Variants in KIF21B observed in about 807,000 individuals in gnomAD.
The protein encoded by KIF21B is kinesin-like protein KIF21B.
Under a neutral mutation model 192.9 loss-of-function variants are expected in KIF21B, and 85 were observed. The observed-to-expected ratio is 0.44, with a 90% CI of 0.37 to 0.53. The LOEUF (loss-of-function observed/expected upper bound fraction) is 0.53. KIF21B is among the 20% of genes least tolerant of loss of function. KIF21B has a pLI of 0.00. For synonymous variants in KIF21B, 832 were observed against 884.6 expected (o/e 0.94, Z 1.05); for missense variants, 1,716 against 2,194.8 (o/e 0.78, Z 4.36).
At chr1:200,985,031 C>T in intron 26 of KIF21B, 59 bp from the exon 27 acceptor site, 1 of 1,279,644 alleles carries the variant, frequency 7.8e-7, no homozygotes, top group Non-Finnish European at 1.1e-6. Context: ...CAGGCCCCTA[C>T]TTGGTGCTGG....
At chr1:201,004,663 A>C (rs1287263811) in intron 6 of KIF21B, 103 bp downstream of exon 6, 1 of 1,434,780 alleles carries the variant, frequency 7.0e-7, no homozygotes, top group East Asian at 2.3e-5. Flanking sequence ...CTAATTGGCA[A>C]GATGTCCAAG....
intron 34 of KIF21B, 176 bp from the exon 35 acceptor site, chr1:200,973,754 T>A: frequency 2.7e-6 from 4 of 1,461,664 alleles, no homozygotes; most frequent in Non-Finnish European, 2.7e-6. Context: ...GCTGGGCAGA[T>A]GGAGAGGCCT....
chr1:200,993,026 A>T (rs1202957924), intron 15 of KIF21B, among the ~76,000 whole-genome samples: 1 of 152,248 alleles, frequency 6.6e-6, no homozygotes, highest in East Asian at 1.9e-4. Flanking sequence ...ATCGCCTCCC[A>T]GTCAGCTCTT....
intron 1 of KIF21B, among the ~76,000 whole-genome samples, chr1:201,014,383 G>A (rs1253051195): frequency 5.3e-5 from 8 of 152,352 alleles, no homozygotes; most frequent in African/African-American, 1.7e-4. Context: ...TGAGCTCAGC[G>A]GATCCTCGGC....
At position 200,982,971 on chromosome 1, in the gene KIF21B, C is replaced by A. The variant is rs917442517; in HGVS notation, c.3842+85G>T. 5 of 1,268,676 alleles carry A rather than the reference C, an allele frequency of 3.9e-6. No individual in the cohort carries two copies. The highest frequency in any genetic ancestry group is 3.0e-5 in the African/African-American group (2 of 67,590). 78.6% of individuals were successfully genotyped at this position (1,268,676 alleles called of 1,614,324 possible). A position where few individuals can be genotyped will look rare whatever the true frequency, so the allele number is the denominator to read the frequency against. On this transcript the variant is annotated intron_variant, in intron 28 of 34. Coordinates refer to ENST00000461742, the MANE Select transcript of KIF21B (RefSeq NM_001252102.2). The surrounding 1 kb of genome is among the most constrained non-coding windows in gnomAD (Gnocchi z 4.7). ...GCATGCTGAGGACACGGGTGTCAGG[C>A]GGGAGGGATGCAGCAAGAGACAGAG...
At chr1:201,008,012 G>T (rs1658013218) in intron 3 of KIF21B, among the ~76,000 whole-genome samples, 1 of 152,378 alleles carries the variant, frequency 6.6e-6, no homozygotes, top group East Asian at 1.9e-4. Flanking sequence ...GAGTAGCTGT[G>T]TTGTGGTAGG....
At position 200,986,898 on chromosome 1, in the gene KIF21B, G is replaced by A. The variant is rs1656338202; in HGVS notation, c.3635C>T (p.Thr1212Ile). The change falls in exon 26 of 35, where the codon ACA (threonine) becomes ATA (isoleucine). Residue 1212 changes from threonine to isoleucine, a missense_variant. Transcript: ENST00000461742. Reference protein sequence around the residue: ...GSTFPRQSRATETSPLTRRKS... With the variant: ...GSTFPRQSRAIETSPLTRRKS... The stretch of plus-strand genomic sequence containing the variant: ...CCTTCTCGTCAGCGGGGACGTCTCT[G>A]TGGCTCGAGATTGCCTAGGGCTACA... 5.0e-6 allele frequency: 8 copies of A among 1,613,880 alleles called. No homozygotes were observed. Among genetic ancestry groups the A allele is most frequent in the Non-Finnish European group, 5.9e-6 (7 of 1,179,928 alleles).
At chr1:200,995,869 C>A (rs12127882) in intron 15 of KIF21B, among the ~76,000 whole-genome samples, 13,473 of 152,158 alleles carry the variant, frequency 0.089, 839 homozygotes, top group Non-Finnish European at 0.13. Flanking sequence ...TTTGCGCAGA[C>A]CCGAAGCGAG....
chr1:201,009,950 G>A (rs750578318), intron 1 of KIF21B, among the ~76,000 whole-genome samples: 23 of 152,184 alleles, frequency 1.5e-4, no homozygotes, highest in East Asian at 3.9e-4. Context: ...TCAGCATCTC[G>A]TCAGGGGAGA....
rs745419043 is a variant in KIF21B, at chr1:200,979,578, C to T, written c.4117G>A (p.Val1373Met). 9.4e-6 allele frequency: 15 copies of T among 1,589,890 alleles called. No homozygotes were observed. Among genetic ancestry groups the T allele is most frequent in the Non-Finnish European group, 1.3e-5 (15 of 1,168,412 alleles). The change falls in exon 30 of 35, where the codon GTG becomes ATG. Residue 1373 changes from valine to methionine, a missense_variant. By Grantham distance (21) the Val-to-Met change is conservative. This residue lies in a region of KIF21B where 580 missense variants were observed against 775.5 expected (regional missense o/e 0.75). Transcript: ENST00000461742. ...VFSVSTSYIK[V>M]WDIRDSAKCI... ...TTGGCTGAGTCCCGGATGTCCCACACCTTGATGTAGGAGGTGGACACGGAG... is the reference window on the plus strand; with the variant it reads ...TTGGCTGAGTCCCGGATGTCCCACATCTTGATGTAGGAGGTGGACACGGAG...
At chr1:200,993,693 T>A (rs574234270) in intron 15 of KIF21B, among the ~76,000 whole-genome samples, 1 of 149,922 alleles carries the variant, frequency 6.7e-6, no homozygotes, top group African/African-American at 2.5e-5. Context: ...GAGGCTGCAA[T>A]GAGCTGTGTT....
chr1:200,978,356 C>CT (rs373496804), intron 30 of KIF21B, among the ~76,000 whole-genome samples: 24 of 146,992 alleles, frequency 1.6e-4, no homozygotes, highest in South Asian at 2.2e-4. Flanking sequence ...GCCTTGTTTA[C>CT]TTTTTTTTTT....
At chr1:200,985,993 A>G (rs936782934) in intron 26 of KIF21B, among the ~76,000 whole-genome samples, 2 of 150,320 alleles carry the variant, frequency 1.3e-5, no homozygotes, top group African/African-American at 4.9e-5. Flanking sequence ...TTACAGGTGC[A>G]CACCACCACG....
chr1:201,022,185 G>A (rs1658874992), intron 1 of KIF21B, among the ~76,000 whole-genome samples: 2 of 152,216 alleles, frequency 1.3e-5, no homozygotes, highest in Admixed American at 1.3e-4. Context: ...CCTGGGGCAG[G>A]AAGAAGAAAG....
At position 201,000,441 on chromosome 1, in the gene KIF21B, T is replaced by G; in HGVS notation, c.1634A>C (p.Lys545Thr). Reference protein sequence around the residue: ...EDASEVIRRAKQDLERLKKKE... With the variant: ...EDASEVIRRATQDLERLKKKE... ...CTTCTTTAGCCGCTCCAGGTCCTGCTTGGCCCTGCGGATCACCTCCGAGGC... is the reference window on the plus strand; with the variant it reads ...CTTCTTTAGCCGCTCCAGGTCCTGCGTGGCCCTGCGGATCACCTCCGAGGC... Residue 545 changes from lysine (K) to threonine (T), a missense_variant, in exon 11 of 35, where the codon AAG becomes ACG. Coordinates refer to ENST00000461742, the MANE Select transcript of KIF21B (RefSeq NM_001252102.2). The surrounding 1 kb of genome is among the most constrained non-coding windows in gnomAD (Gnocchi z 6.0). 6.3e-7 allele frequency: 1 copy of G among 1,576,706 alleles called. No homozygotes were observed. Among genetic ancestry groups the G allele is most frequent in the East Asian group, 2.2e-5 (1 of 44,534 alleles).
rs296568 is a variant in KIF21B at position 200,972,697 on chromosome 1, C to A, written c.*824G>T. On this transcript the variant is annotated 3_prime_UTR_variant, in exon 35 of 35. Transcript: ENST00000461742. Reference sequence around the variant, plus strand: ...CGGGGACAGGCCTGAGCTGCAGAGTCGAAGGAGCAGTTCCCTCCTCTGCAA... The same window carrying A: ...CGGGGACAGGCCTGAGCTGCAGAGTAGAAGGAGCAGTTCCCTCCTCTGCAA... 20,349 of 152,452 alleles carry A rather than the reference C, an allele frequency of 0.13. 1,609 individuals are homozygous for A. The highest frequency in any genetic ancestry group is 0.18 in the Middle Eastern group (54 of 294). The allele number at this position is 152,452 out of a possible 1,614,324, so 9.4% of individuals were successfully genotyped here.
chr1:200,985,264 G>A (rs1289661115), intron 26 of KIF21B, among the ~76,000 whole-genome samples: 1 of 152,146 alleles, frequency 6.6e-6, no homozygotes, highest in East Asian at 1.9e-4. Flanking sequence ...GAGGTGGGAG[G>A]ATTGCTTGAA....
In KIF21B at chr1:200,992,315, G is replaced by A. The variant is rs201289361; in HGVS notation, c.2352C>T (p.Ile784=). 82 of 1,612,872 alleles carry A rather than the reference G, an allele frequency of 5.1e-5. No homozygotes were observed. The highest frequency in any genetic ancestry group is 5.3e-5 in the African/African-American group (4 of 75,066). The part of the protein sequence containing the change: ...RLVETKRNRE[I]AQLKKEQRRQ... Reference sequence around the variant, plus strand: ...GCCGCTGCTCCTTCTTGAGCTGTGCGATCTCCCGGTTCCTCTTGGTCTCCA... The same window carrying A: ...GCCGCTGCTCCTTCTTGAGCTGTGCAATCTCCCGGTTCCTCTTGGTCTCCA... Residue 784 remains isoleucine, a synonymous_variant, in exon 16 of 35, where the codon ATC becomes ATT. Transcript: ENST00000461742.
intron 1 of KIF21B, among the ~76,000 whole-genome samples, chr1:201,018,197 T>C (rs1031715471): frequency 1.3e-5 from 2 of 152,130 alleles, no homozygotes; most frequent in South Asian, 2.1e-4. Context: ...TTGGTGTGTG[T>C]GAGGTGGGGG....
Sources: allele counts gnomAD v4.1 joint callset (sites outside exome capture counted in the v4.1 genomes callset), GRCh38; gene constraint gnomAD v4.1.1; regional missense constraint gnomAD v4.1.1; non-coding constraint Gnocchi (gnomAD v3.1); transcripts MANE v1.5; gene names NCBI Gene and HGNC (gene_info 2026-07-23, HGNC 2026-07-21).